The following DGKI variants were observed in gnomAD, a reference collection of about 807,000 sequenced individuals.
DGKI encodes the protein diacylglycerol kinase iota, also known as DAG kinase iota.
A neutral mutation model predicts 147.5 loss-of-function variants in DGKI; 55 were observed. The observed-to-expected ratio is 0.37, with a 90% CI of 0.30 to 0.47. The LOEUF (loss-of-function observed/expected upper bound fraction) is 0.47. Ranked by LOEUF, DGKI falls within the 20% of genes least tolerant of loss-of-function variation. The pLI, the probability that DGKI is intolerant of heterozygous loss-of-function variation, is 1.00. For missense variants in DGKI, 1,007 were observed against 1,323.8 expected (o/e 0.76, Z 3.71); for synonymous variants, 469 against 477.1 (o/e 0.98, Z 0.22).
chr7:137,821,564 T>C (rs1421518995), intron 1 of DGKI, among the ~76,000 whole-genome samples: 2 of 151,852 alleles, frequency 1.3e-5, no homozygotes, highest in African/African-American at 2.4e-5. Context: ...CAGGTCACTA[T>C]GGTGAGCTGG....
intron 1 of DGKI, among the ~76,000 whole-genome samples, chr7:137,706,814 C>A (rs1249131019): frequency 6.6e-6 from 1 of 152,022 alleles, no homozygotes; most frequent in Non-Finnish European, 1.5e-5. Flanking sequence ...CCTCGTGATC[C>A]ACCCACCTCG....
chr7:137,679,160 G>T (rs1823143052), intron 2 of DGKI, among the ~76,000 whole-genome samples: 1 of 152,156 alleles, frequency 6.6e-6, no homozygotes, highest in East Asian at 1.9e-4. Flanking sequence ...AAGGGCAGAG[G>T]CTTCTTAAAA....
At chr7:137,761,677 G>C (rs970169746) in intron 1 of DGKI, among the ~76,000 whole-genome samples, 1 of 152,064 alleles carries the variant, frequency 6.6e-6, no homozygotes, top group Non-Finnish European at 1.5e-5. Context: ...ACAGATTCCT[G>C]TTCTGGACCA....
At position 137,552,435 on chromosome 7, in the gene DGKI, G is replaced by A. The variant is rs974239080; in HGVS notation, c.2081C>T (p.Ser694Phe). The A allele has an allele frequency of 1.3e-5, 21 of 1,614,078 alleles. No homozygotes were observed. Among genetic ancestry groups the A allele is most frequent in the Non-Finnish European group, 1.7e-5 (20 of 1,180,030 alleles). Reference sequence around the variant, plus strand: ...TACCATGTTGGCCTGATTCCTCAGGGAGATCCGAATCATAGCTGGGGCCAA... The same window carrying A: ...TACCATGTTGGCCTGATTCCTCAGGAAGATCCGAATCATAGCTGGGGCCAA... ...CRLAPAMIRI[S>F]LRNQANMVQK... The change falls in exon 20 of 33, where the codon TCC (serine) becomes TTC (phenylalanine). Residue 694 changes from serine (S) to phenylalanine (F), a missense_variant. Physicochemically the swap from Ser to Phe is radical, Grantham distance 155 (BLOSUM62 -2). Coordinates refer to ENST00000614521, the MANE Select transcript of DGKI (RefSeq NM_001321708.2).
chr7:137,430,193 G>A lies in DGKI; in HGVS notation c.2761+13884C>T, dbSNP rs559574744. ...TGATAGACTGGGTTAAGAAAATGTG[G>A]CACATACACACCATGGAATACTATG... is the stretch of plus-strand genomic sequence containing the variant. On this transcript the variant is annotated intron_variant, in intron 28 of 32. Transcript: ENST00000614521. Among the ~76,000 whole-genome samples, 43 of 146,796 alleles carry A rather than the reference G, an allele frequency of 2.9e-4. 1 individual carries two copies. The East Asian group carries it at 4.8e-3, about 16-fold the overall frequency.
intron 1 of DGKI, among the ~76,000 whole-genome samples, chr7:137,788,651 CACACACACACACAT>C (rs1435737294): frequency 0.036 from 2,419 of 66,884 alleles, 74 homozygotes; most frequent in African/African-American, 0.15. Context: ...CACACACACA[CACACACACACACAT>C]ACACACACAC....
At chr7:137,642,983 A>C (rs1045307383) in intron 6 of DGKI, among the ~76,000 whole-genome samples, 2 of 99,232 alleles carry the variant, frequency 2.0e-5, no homozygotes. Flanking sequence ...TGGGGGATGG[A>C]GTGAGGTTTA....
At chr7:137,745,505 C>G (rs1315516401) in intron 1 of DGKI, among the ~76,000 whole-genome samples, 1 of 152,244 alleles carries the variant, frequency 6.6e-6, no homozygotes, top group Non-Finnish European at 1.5e-5. Context: ...AAATTTCACA[C>G]TGTCCTGCTC....
In DGKI at chr7:137,806,846, G is replaced by T. The variant is rs142092695; in HGVS notation, c.401+39616C>A. On this transcript the variant is annotated intron_variant, in intron 1 of 32. Coordinates refer to ENST00000614521, the MANE Select transcript of DGKI (RefSeq NM_001321708.2). The stretch of plus-strand genomic sequence containing the variant: ...CAGGCCAGTGACCCACCAAAAAGTG[G>T]AATAAGAACTGTATAAAATCCATAA... Among the ~76,000 whole-genome samples the T allele has an allele frequency of 2.5e-3, 375 of 152,220 alleles. 3 individuals are homozygous for T. The highest frequency in any genetic ancestry group is 8.6e-3 in the African/African-American group (357 of 41,556).
chr7:137,442,961 G>C (rs1435044859), intron 28 of DGKI, among the ~76,000 whole-genome samples: 1 of 152,140 alleles, frequency 6.6e-6, no homozygotes, highest in Non-Finnish European at 1.5e-5. Flanking sequence ...ATGAGGTGAG[G>C]TGCATAGAAA....
At chr7:137,739,301 AGT>A in intron 1 of DGKI, among the ~76,000 whole-genome samples, 1 of 152,270 alleles carries the variant, frequency 6.6e-6, no homozygotes, top group African/African-American at 2.4e-5. Flanking sequence ...TTGTCTACCC[AGT>A]GTCATAGGAC....
intron 27 of DGKI, among the ~76,000 whole-genome samples, chr7:137,444,714 T>C (rs1813645730): frequency 6.6e-6 from 1 of 152,232 alleles, no homozygotes; most frequent in Non-Finnish European, 1.5e-5. Flanking sequence ...TTGCAAACTA[T>C]ATGTGAGTTC....
intron 1 of DGKI, among the ~76,000 whole-genome samples, chr7:137,729,170 GA>G (rs1794798641): frequency 6.6e-6 from 1 of 151,846 alleles, no homozygotes; most frequent in South Asian, 2.1e-4. Flanking sequence ...GTATTTAAAA[GA>G]AAAAAATACT....
chr7:137,659,686 A>G (rs915147362), intron 3 of DGKI, among the ~76,000 whole-genome samples: 3 of 152,328 alleles, frequency 2.0e-5, no homozygotes, highest in East Asian at 3.9e-4. Flanking sequence ...TAATCCCAGC[A>G]CTCTGGGAGG....
At chr7:137,520,655 A>C (rs368544502) in intron 21 of DGKI, among the ~76,000 whole-genome samples, 3 of 152,162 alleles carry the variant, frequency 2.0e-5, no homozygotes, top group African/African-American at 7.2e-5. Flanking sequence ...TAGGAAGCTG[A>C]AGCAGCTGAG....
In DGKI at chr7:137,384,319, C is replaced by A. The variant is rs1267579658; in HGVS notation, c.*6901G>T. 6.6e-6 allele frequency: 1 copy of A among 152,000 alleles called. No individual in the cohort carries two copies. The highest frequency in any genetic ancestry group is 2.4e-5 in the African/African-American group (1 of 41,422). 9.4% of individuals were successfully genotyped at this position (152,000 alleles called of 1,614,324 possible). A position where few individuals can be genotyped will look rare whatever the true frequency, so the allele number is the denominator to read the frequency against. On this transcript the variant is annotated 3_prime_UTR_variant, in exon 33 of 33. Transcript: ENST00000614521. ...TATGTACAAGCTGACAAGCCTCTCT[C>A]CGACAGCAAAAACTCTGACTTTTTG...
At chr7:137,426,349 T>C (rs1442366325) in intron 28 of DGKI, among the ~76,000 whole-genome samples, 2 of 152,092 alleles carry the variant, frequency 1.3e-5, no homozygotes, top group African/African-American at 4.8e-5. Flanking sequence ...AAGCAAATGC[T>C]GAGAGATTTT....
rs144176588 is a variant in DGKI, at chr7:137,594,976, A to T, written c.1311+2871T>A. On this transcript the variant is annotated intron_variant, in intron 12 of 32. Transcript: ENST00000614521. Reference sequence around the variant, plus strand: ...GTTTAAATGTGCCAACTCTAGGGTAAACGTACTACTTTTATTTTAGGCATG... The same window carrying T: ...GTTTAAATGTGCCAACTCTAGGGTATACGTACTACTTTTATTTTAGGCATG... Among the ~76,000 whole-genome samples, 3 of 152,362 alleles carry T rather than the reference A, an allele frequency of 2.0e-5. No homozygotes were observed. The East Asian group carries it at 5.8e-4, about 29-fold the overall frequency.
At chr7:137,559,059 A>ATTT (rs1427453296) in intron 19 of DGKI, among the ~76,000 whole-genome samples, 4 of 132,294 alleles carry the variant, frequency 3.0e-5, no homozygotes, top group African/African-American at 1.3e-4. Flanking sequence ...TGTACCTACA[A>ATTT]TTCTTTTTTT....
Sources: allele counts gnomAD v4.1 joint callset (sites outside exome capture counted in the v4.1 genomes callset), GRCh38; gene constraint gnomAD v4.1.1; transcripts MANE v1.5; gene names NCBI Gene and HGNC (gene_info 2026-07-23, HGNC 2026-07-21).